The following ARB2A variants were observed in gnomAD, a reference collection of about 807,000 sequenced individuals.
ARB2A encodes ARB2 cotranscriptional regulator A.
At chr5:94,107,670 C>T in the ARB2A span, among the ~76,000 whole-genome samples, 1 of 152,206 alleles carries the variant, frequency 6.6e-6, no homozygotes, top group South Asian at 2.1e-4. Context: ...ATTATACACT[C>T]AAATTACTCA....
chr5:93,939,650 T>G, the ARB2A span, among the ~76,000 whole-genome samples: 2 of 152,220 alleles, frequency 1.3e-5, no homozygotes, highest in Non-Finnish European at 2.9e-5. Flanking sequence ...ATATCATTTA[T>G]CATTACCACT....
chr5:94,108,033 C>T, the ARB2A span, among the ~76,000 whole-genome samples: 1 of 152,104 alleles, frequency 6.6e-6, no homozygotes, highest in Non-Finnish European at 1.5e-5. Context: ...CTGATCTTTG[C>T]CACTCTCCAT....
the ARB2A span, among the ~76,000 whole-genome samples, chr5:93,797,819 G>A: frequency 5.9e-5 from 9 of 152,234 alleles, no homozygotes; most frequent in Non-Finnish European, 1.3e-4. Context: ...GAACAAGAGA[G>A]GTGTTTTCAG....
At chr5:93,649,037 ATAAGTT>A in the ARB2A span, among the ~76,000 whole-genome samples, 3 of 152,324 alleles carry the variant, frequency 2.0e-5, no homozygotes, top group Non-Finnish European at 2.9e-5. Context: ...TAGAAAATAT[ATAAGTT>A]AAAAAACATT....
the ARB2A span, among the ~76,000 whole-genome samples, chr5:93,686,675 G>C: frequency 3.3e-5 from 5 of 152,056 alleles, no homozygotes; most frequent in Admixed American, 2.6e-4. Flanking sequence ...GTCCATTTAA[G>C]GTACTTGCCT....
At chr5:94,069,039 A>AAGATAGATAGATAGATAGATAGAT in the ARB2A span, among the ~76,000 whole-genome samples, 20 of 140,392 alleles carry the variant, frequency 1.4e-4, no homozygotes, top group South Asian at 7.0e-4. Context: ...CTGTCTTAAA[A>AAGATAGATAGATAGATAGATAGAT]AGATAGATAG....
chr5:94,077,605 C>A, the ARB2A span, among the ~76,000 whole-genome samples: 2 of 152,122 alleles, frequency 1.3e-5, no homozygotes, highest in Non-Finnish European at 2.9e-5. Flanking sequence ...TTATAACCTG[C>A]ATGACCACAG....
chr5:93,691,794 T>A, the ARB2A span, among the ~76,000 whole-genome samples: 2 of 151,940 alleles, frequency 1.3e-5, no homozygotes, highest in African/African-American at 4.8e-5. Context: ...AGATTACCCA[T>A]AAAGGGAAGC....
chr5:93,834,881 C>G, the ARB2A span, among the ~76,000 whole-genome samples: 2 of 152,102 alleles, frequency 1.3e-5, no homozygotes, highest in Admixed American at 6.5e-5. Context: ...ATAGGAAAGG[C>G]TTTCTAATAC....
chr5:93,664,756 C>T, the ARB2A span, among the ~76,000 whole-genome samples: 13 of 152,018 alleles, frequency 8.6e-5, no homozygotes, highest in African/African-American at 2.4e-4. Context: ...TCTACACTTA[C>T]GACAGATATT....
chr5:93,675,194 A>G, the ARB2A span, among the ~76,000 whole-genome samples: 2 of 152,302 alleles, frequency 1.3e-5, no homozygotes, highest in East Asian at 3.9e-4. Context: ...AGTTGAACTT[A>G]TTAAATCTCA....
chr5:93,714,030 C>T, the ARB2A span, among the ~76,000 whole-genome samples: 4 of 152,158 alleles, frequency 2.6e-5, no homozygotes, highest in Non-Finnish European at 5.9e-5. Context: ...TAGTAGTTCC[C>T]TGCAACTATA....
the ARB2A span, chr5:93,737,872 A>G: frequency 2.3e-6 from 1 of 437,396 alleles, no homozygotes; most frequent in Non-Finnish European, 4.5e-6. Flanking sequence ...AATAAATAAA[A>G]CTGTAAAATT....
the ARB2A span, among the ~76,000 whole-genome samples, chr5:94,095,959 T>C: frequency 7.2e-5 from 11 of 152,174 alleles, no homozygotes; most frequent in Non-Finnish European, 8.8e-5. Context: ...CAATCCCTAC[T>C]GAAAGAAATC....
At chr5:93,764,964 T>C in the ARB2A span, among the ~76,000 whole-genome samples, 1 of 152,186 alleles carries the variant, frequency 6.6e-6, no homozygotes, top group Non-Finnish European at 1.5e-5. Flanking sequence ...TTTCAATAGA[T>C]GCAGAAAAGA....
the ARB2A span, among the ~76,000 whole-genome samples, chr5:93,973,565 G>A: frequency 1.3e-5 from 2 of 151,964 alleles, no homozygotes; most frequent in Non-Finnish European, 2.9e-5. Context: ...GAAATCCAGA[G>A]AACTCCTGCA....
the ARB2A span, among the ~76,000 whole-genome samples, chr5:94,099,346 T>C: frequency 1.7e-3 from 262 of 152,098 alleles, 1 homozygote; most frequent in African/African-American, 5.7e-3. Flanking sequence ...TAAATGTGGC[T>C]GGGCACGGTG....
the ARB2A span, among the ~76,000 whole-genome samples, chr5:93,653,107 G>T: frequency 6.6e-6 from 1 of 152,026 alleles, no homozygotes; most frequent in African/African-American, 2.4e-5. Flanking sequence ...TAAAATTGAT[G>T]TATGTAAAGT....
At chr5:93,815,641 T>C in the ARB2A span, among the ~76,000 whole-genome samples, 1 of 152,320 alleles carries the variant, frequency 6.6e-6, no homozygotes, top group South Asian at 2.1e-4. Flanking sequence ...TCCCAGGCAA[T>C]GAGTGAAGCC....
Sources: allele counts gnomAD v4.1 joint callset (sites outside exome capture counted in the v4.1 genomes callset), GRCh38; gene constraint gnomAD v4.1.1; transcripts MANE v1.5; gene names NCBI Gene and HGNC (gene_info 2026-07-23, HGNC 2026-07-21).